Variants in LRRC4C observed in about 807,000 individuals in gnomAD.
The protein encoded by LRRC4C is leucine rich repeat containing 4C, also known as leucine-rich repeat-containing protein 4C.
Under a neutral mutation model 33.6 loss-of-function variants are expected in LRRC4C, and 5 were observed. The observed-to-expected ratio is 0.15, with a 90% CI of 0.08 to 0.31. The LOEUF (loss-of-function observed/expected upper bound fraction) is 0.31, where lower values mean the gene tolerates loss of function less well. LRRC4C is among the 10% of genes least tolerant of loss of function. The probability of loss-of-function intolerance (pLI) is 1.00; values close to 1 mark genes in which losing one functional copy is unlikely to be tolerated. For synonymous variants in LRRC4C, 329 were observed against 302.0 expected (o/e 1.09, Z -0.93); for missense variants, 560 against 796.7 (o/e 0.70, Z 3.58).
intron 3 of LRRC4C, among the ~76,000 whole-genome samples, chr11:40,634,585 C>G (rs987882961): frequency 6.6e-6 from 1 of 152,018 alleles, no homozygotes; most frequent in Admixed American, 6.6e-5. Context: ...AAAATAAATG[C>G]TTGGCTGGGG....
chr11:41,123,261 GT>G (rs1217714729), intron 1 of LRRC4C, among the ~76,000 whole-genome samples: 947 of 47,998 alleles, frequency 0.02, 18 homozygotes, highest in African/African-American at 0.029. Flanking sequence ...GCTATGTTTT[GT>G]TTTTTTTTTT....
chr11:40,937,615 G>A (rs867123314), intron 1 of LRRC4C, among the ~76,000 whole-genome samples: 1 of 131,084 alleles, frequency 7.6e-6, no homozygotes, highest in African/African-American at 2.8e-5. Flanking sequence ...GTGTGTGTGT[G>A]TGTGTGTGTG....
chr11:40,993,448 T>TA (rs1374246587), intron 1 of LRRC4C, among the ~76,000 whole-genome samples: 1 of 152,052 alleles, frequency 6.6e-6, no homozygotes, highest in Admixed American at 6.6e-5. Context: ...GTTCGTTCTT[T>TA]AAAAAAACAC....
intron 1 of LRRC4C, among the ~76,000 whole-genome samples, chr11:41,379,751 A>C (rs188648267): frequency 2.0e-5 from 3 of 151,880 alleles, no homozygotes; most frequent in Admixed American, 1.3e-4. Flanking sequence ...TGTTAGGGGT[A>C]AAAAAAGGGC....
intron 1 of LRRC4C, among the ~76,000 whole-genome samples, chr11:41,150,190 T>C (rs546719919): frequency 6.6e-6 from 1 of 152,170 alleles, no homozygotes; most frequent in Non-Finnish European, 1.5e-5. Flanking sequence ...GAAAAATTAA[T>C]CACTGTTCTC....
intron 2 of LRRC4C, among the ~76,000 whole-genome samples, chr11:40,834,639 T>C (rs1952579500): frequency 6.6e-6 from 1 of 152,084 alleles, no homozygotes; most frequent in Admixed American, 6.6e-5. Flanking sequence ...TGTAAATGTC[T>C]TTCATCCCAT....
chr11:40,223,704 C>A (rs1397884387), intron 5 of LRRC4C, among the ~76,000 whole-genome samples: 1 of 152,150 alleles, frequency 6.6e-6, no homozygotes, highest in Admixed American at 6.5e-5. Flanking sequence ...AGGGAACAGA[C>A]AAAATACCAA....
At chr11:40,839,398 A>C (rs1372942071) in intron 2 of LRRC4C, among the ~76,000 whole-genome samples, 1 of 151,956 alleles carries the variant, frequency 6.6e-6, no homozygotes. Context: ...GACACCCACC[A>C]CCATGCCTGG....
At chr11:40,364,954 T>G (rs949599112) in intron 3 of LRRC4C, among the ~76,000 whole-genome samples, 2 of 151,864 alleles carry the variant, frequency 1.3e-5, no homozygotes, top group Admixed American at 1.3e-4. Context: ...AATCCTATAT[T>G]TAGCAAAAAT....
At chr11:40,526,344 C>G (rs1956048044) in intron 3 of LRRC4C, among the ~76,000 whole-genome samples, 1 of 152,020 alleles carries the variant, frequency 6.6e-6, no homozygotes, top group Non-Finnish European at 1.5e-5. Flanking sequence ...CAAATATACT[C>G]ACAACCAGCA....
chr11:41,230,010 T>G (rs536860773), intron 1 of LRRC4C, among the ~76,000 whole-genome samples: 1 of 152,118 alleles, frequency 6.6e-6, no homozygotes, highest in African/African-American at 2.4e-5. Context: ...TTGCTCTTTC[T>G]ATTTCATTAT....
At chr11:40,338,509 G>A (rs1565288723) in intron 3 of LRRC4C, among the ~76,000 whole-genome samples, 2 of 152,146 alleles carry the variant, frequency 1.3e-5, no homozygotes, top group African/African-American at 4.8e-5. Context: ...GAGGACAGAA[G>A]TTTTAAATAA....
rs192253949 is a variant in LRRC4C, at chr11:40,913,725, C to G, written c.-407+19910G>C. Among the ~76,000 whole-genome samples the G allele has an allele frequency of 3.6e-3, 542 of 152,100 alleles. 7 individuals carry two copies. Among genetic ancestry groups the G allele is most frequent in the Non-Finnish European group, 3.5e-3 (236 of 67,982 alleles). ...AGCAGAACTGAAGGAAATAGAGACA[C>G]AAAAAACCCTTCAAAAAATCAGTGA... On this transcript the variant is annotated intron_variant, in intron 2 of 6. Transcript: ENST00000528697.
chr11:40,466,281 A>T (rs1394376860), intron 3 of LRRC4C, among the ~76,000 whole-genome samples: 1 of 152,010 alleles, frequency 6.6e-6, no homozygotes, highest in East Asian at 1.9e-4. Flanking sequence ...GAATGGGGGG[A>T]GAGTGAGGGA....
chr11:41,279,729 T>C (rs1949604560), intron 1 of LRRC4C, among the ~76,000 whole-genome samples: 1 of 152,152 alleles, frequency 6.6e-6, no homozygotes, highest in African/African-American at 2.4e-5. Context: ...ACTCCATGCA[T>C]TGATGTCCAA....
intron 1 of LRRC4C, among the ~76,000 whole-genome samples, chr11:40,956,954 G>T (rs1226559789): frequency 6.6e-6 from 1 of 151,758 alleles, no homozygotes; most frequent in African/African-American, 2.4e-5. Context: ...GGTTCCCAGT[G>T]CATAAAGGGA....
intron 1 of LRRC4C, among the ~76,000 whole-genome samples, chr11:40,963,817 A>C (rs1468777570): frequency 6.6e-6 from 1 of 151,834 alleles, no homozygotes; most frequent in East Asian, 1.9e-4. Flanking sequence ...ATAACGATTT[A>C]AGTGTTTGAC....
At chr11:40,350,840 T>A (rs2137079464) in intron 3 of LRRC4C, among the ~76,000 whole-genome samples, 1 of 152,122 alleles carries the variant, frequency 6.6e-6, no homozygotes, top group Non-Finnish European at 1.5e-5. Flanking sequence ...TATTTTCTTT[T>A]ACTTGTAGCT....
intron 3 of LRRC4C, among the ~76,000 whole-genome samples, chr11:40,456,562 T>C (rs1407979704): frequency 6.6e-6 from 1 of 151,872 alleles, no homozygotes; most frequent in Non-Finnish European, 1.5e-5. Context: ...GATTTCTAAA[T>C]GAAGTTTTAC....
Sources: allele counts gnomAD v4.1 joint callset (sites outside exome capture counted in the v4.1 genomes callset), GRCh38; gene constraint gnomAD v4.1.1; transcripts MANE v1.5; gene names NCBI Gene and HGNC (gene_info 2026-07-23, HGNC 2026-07-21).